The following KMT2C variants were observed in gnomAD, a reference collection of about 807,000 sequenced individuals.
KMT2C encodes the protein histone-lysine N-methyltransferase 2C.
A neutral mutation model predicts 507.9 loss-of-function variants in KMT2C; 88 were observed. That is an observed-to-expected ratio of 0.17 (90% confidence interval 0.15 to 0.21). The LOEUF (loss-of-function observed/expected upper bound fraction) is 0.21, where lower values mean the gene tolerates loss of function less well. KMT2C is among the 10% of genes least tolerant of loss of function. KMT2C has a pLI of 1.00. For synonymous variants in KMT2C, 2,049 were observed against 2,080.8 expected (o/e 0.98, Z 0.42); for missense variants, 4,954 against 5,957.8 (o/e 0.83, Z 5.55).
chr7:152,201,851 T>C (rs1016939479), intron 26 of KMT2C, among the ~76,000 whole-genome samples: 3 of 151,962 alleles, frequency 2.0e-5, no homozygotes, highest in Admixed American at 2.0e-4. Context: ...ATGTCACAAA[T>C]GAGGAAACCG....
chr7:152,412,553 A>G (rs1475198639), intron 1 of KMT2C, among the ~76,000 whole-genome samples: 1 of 152,156 alleles, frequency 6.6e-6, no homozygotes, highest in Non-Finnish European at 1.5e-5. Context: ...GGCTCCGTAA[A>G]CAATTCTATT....
Position 152,182,299 on chromosome 7 carries a change from G to A in KMT2C, c.5561C>T (p.Pro1854Leu). ...DDVFVKPQAP[P>L]PPPAPSRIPI... ...AATCCGGGATGGGGCTGGAGGAGGAGGTGGAGCTTGTGGCTTTACAAACAC... is the reference window on the plus strand; with the variant it reads ...AATCCGGGATGGGGCTGGAGGAGGAAGTGGAGCTTGTGGCTTTACAAACAC... The change falls in exon 36 of 59, where the codon CCT becomes CTT. Residue 1854 changes from proline to leucine, a missense_variant. Pro to Leu is a moderately conservative substitution (Grantham distance 98). Around this residue, in one of 29 missense-constraint regions of KMT2C, gnomAD observed 1,689 missense variants for 1,654.3 expected, o/e 1.02. Transcript: ENST00000262189. 6.2e-7 allele frequency: 1 copy of A among 1,614,174 alleles called. No individual in the cohort carries two copies.
chr7:152,171,453 G>A, intron 39 of KMT2C, 111 bp from the exon 40 acceptor site: 1 of 625,088 alleles, frequency 1.6e-6, no homozygotes, highest in Non-Finnish European at 2.7e-6. Context: ...GAAGAACAGT[G>A]GCAATTTCTT....
chr7:152,237,214 G>A (rs2095293294), intron 15 of KMT2C, among the ~76,000 whole-genome samples: 1 of 152,236 alleles, frequency 6.6e-6, no homozygotes, highest in African/African-American at 2.4e-5. Context: ...TTCAACTGAT[G>A]TCCCTTATCA....
intron 15 of KMT2C, 80 bp downstream of exon 15, chr7:152,238,627 A>C (rs1251530120): frequency 1.4e-6 from 2 of 1,458,358 alleles, no homozygotes; most frequent in Non-Finnish European, 1.8e-6. Flanking sequence ...CTAGAAAAGA[A>C]AGATTTAATT....
chr7:152,298,852 A>C (rs1425785147), intron 6 of KMT2C, among the ~76,000 whole-genome samples: 1 of 152,168 alleles, frequency 6.6e-6, no homozygotes, highest in Non-Finnish European at 1.5e-5. Flanking sequence ...CAATAGCACA[A>C]AGTGCACGAG....
chr7:152,309,313 ATTTTTTT>A (rs1169487768), intron 6 of KMT2C, among the ~76,000 whole-genome samples: 1 of 129,650 alleles, frequency 7.7e-6, no homozygotes, highest in African/African-American at 3.0e-5. Flanking sequence ...ACACAAATTA[ATTTTTTT>A]TTTTTTTTTT....
At chr7:152,187,002 G>A (rs1007905914) in intron 33 of KMT2C, among the ~76,000 whole-genome samples, 3 of 152,124 alleles carry the variant, frequency 2.0e-5, no homozygotes, top group African/African-American at 4.8e-5. Context: ...ACGGATTTCT[G>A]CATATTAATA....
chr7:152,158,316 A>T (rs1436425985), intron 44 of KMT2C, among the ~76,000 whole-genome samples: 1 of 152,184 alleles, frequency 6.6e-6, no homozygotes, highest in Non-Finnish European at 1.5e-5. Context: ...AGTACTGAGG[A>T]CAGATTTTTT....
chr7:152,368,889 TTTTC>T (rs2097269236), intron 1 of KMT2C, among the ~76,000 whole-genome samples: 1 of 152,196 alleles, frequency 6.6e-6, no homozygotes, highest in African/African-American at 2.4e-5. Flanking sequence ...CTTTCCTACA[TTTTC>T]TTTTTCTTTT....
Position 152,163,148 on chromosome 7 carries a change from G to C in KMT2C, c.10429C>G (p.Gln3477Glu). 1 of 1,614,196 alleles carries C rather than the reference G, an allele frequency of 6.2e-7. No individual in the cohort carries two copies. The highest frequency in any genetic ancestry group is 1.3e-5 in the African/African-American group (1 of 75,040). ...TGCTGTAAAACCTGCCCCATTTGCT[G>C]TTGGTGTTGTGGAGACTGCTGAAGG... ...GPLQQSPQHQ[Q>E]QMGQVLQQQN... The change falls in exon 43 of 59, where the codon CAG becomes GAG. Residue 3477 changes from glutamine (Q) to glutamate (E), a missense_variant. Around this residue, in one of 29 missense-constraint regions of KMT2C, gnomAD observed 801 missense variants for 751.2 expected, o/e 1.07. Transcript: ENST00000262189.
chr7:152,380,252 CAAAA>C lies in KMT2C; in HGVS notation c.162-21581_162-21578del, dbSNP rs2097361736. 2.2e-4 allele frequency among the ~76,000 whole-genome samples: 18 copies of C among 81,104 alleles called. No individual in the cohort carries two copies. In the South Asian group the frequency reaches 6.5e-3, roughly 29 times the overall value. The allele number at this position is 81,104 out of a possible 152,430, so 53.2% of individuals were successfully genotyped here. The stretch of plus-strand genomic sequence containing the variant: ...GAGACTCCATCTCCAAAAAAAAAAA[CAAAA>C]CAAAACAAAAAACAAAACAAAAAAA... On this transcript the variant is annotated intron_variant, in intron 1 of 58. Coordinates refer to ENST00000262189, the MANE Select transcript of KMT2C (RefSeq NM_170606.3).
intron 6 of KMT2C, among the ~76,000 whole-genome samples, chr7:152,274,151 A>ATT (rs561728180): frequency 2.5e-4 from 37 of 147,270 alleles, no homozygotes; most frequent in African/African-American, 8.6e-4. Flanking sequence ...AAACCTAAAG[A>ATT]TTTTTTTTTA....
rs1172872682 is a variant in KMT2C, at chr7:152,180,221, A to G, written c.7150-95T>C. The stretch of plus-strand genomic sequence containing the variant: ...TTATTTTTAGATATGGGATCTTGCT[A>G]TGTTGCCCAGGCTGGCCTCAAATTC... On this transcript the variant is annotated intron_variant, in intron 36 of 58. Coordinates refer to ENST00000262189, the MANE Select transcript of KMT2C (RefSeq NM_170606.3). The G allele has an allele frequency of 3.0e-5, 41 of 1,351,508 alleles. No individual in the cohort carries two copies. The Admixed American group carries it at 4.8e-4, about 16-fold the overall frequency. The allele number at this position is 1,351,508 out of a possible 1,614,324, so 83.7% of individuals were successfully genotyped here. A position where few individuals can be genotyped will look rare whatever the true frequency, so the allele number is the denominator to read the frequency against.
At chr7:152,260,536 C>T (rs2095751580) in intron 9 of KMT2C, among the ~76,000 whole-genome samples, 2 of 150,810 alleles carry the variant, frequency 1.3e-5, no homozygotes. Flanking sequence ...ACACATCTCC[C>T]AAAGCTTTCA....
chr7:152,326,497 CATTTTG>C (rs1002790898), intron 3 of KMT2C, among the ~76,000 whole-genome samples: 2 of 151,992 alleles, frequency 1.3e-5, no homozygotes, highest in Non-Finnish European at 2.9e-5. Flanking sequence ...GTGATTTTTG[CATTTTG>C]ATTTTGTTAT....
At chr7:152,366,967 A>C in intron 1 of KMT2C, 1 of 540,280 alleles carries the variant, frequency 1.9e-6, no homozygotes, top group Non-Finnish European at 3.3e-6. Flanking sequence ...AAGCTCCTCA[A>C]TGGCCAGCGC....
At chr7:152,262,709 T>C (rs553078445) in intron 9 of KMT2C, among the ~76,000 whole-genome samples, 1 of 152,326 alleles carries the variant, frequency 6.6e-6, no homozygotes, top group African/African-American at 2.4e-5. Context: ...ATATAGTATA[T>C]GAAGCTTTTA....
intron 6 of KMT2C, among the ~76,000 whole-genome samples, chr7:152,303,386 G>C (rs1424223961): frequency 6.6e-6 from 1 of 152,204 alleles, no homozygotes; most frequent in Non-Finnish European, 1.5e-5. Context: ...TTTAGCGGCA[G>C]TCCTGGCCTC....
Sources: allele counts gnomAD v4.1 joint callset (sites outside exome capture counted in the v4.1 genomes callset), GRCh38; gene constraint gnomAD v4.1.1; regional missense constraint gnomAD v4.1.1; transcripts MANE v1.5; gene names NCBI Gene and HGNC (gene_info 2026-07-23, HGNC 2026-07-21).